SP100: variants seen among roughly 807,000 people sequenced by gnomAD.
The protein encoded by SP100 is nuclear autoantigen Sp-100.
Under a neutral mutation model 130.0 loss-of-function variants are expected in SP100, and 84 were observed. That is an observed-to-expected ratio of 0.65 (90% confidence interval 0.54 to 0.77). SP100 has a LOEUF of 0.77. Among genes scored for constraint, SP100 ranks in the 30% least tolerant of loss-of-function variants. The pLI is 0.00. For synonymous variants in SP100, 331 were observed against 351.7 expected (o/e 0.94, Z 0.66); for missense variants, 978 against 1,052.2 (o/e 0.93, Z 0.97).
intron 8 of SP100, among the ~76,000 whole-genome samples, chr2:230,458,593 G>A (rs2064411811): frequency 6.6e-6 from 1 of 152,192 alleles, no homozygotes; most frequent in South Asian, 2.1e-4. Flanking sequence ...TATGTTGCAA[G>A]TTACTTTTCA....
chr2:230,522,016 A>G (rs1369963642), intron 24 of SP100, among the ~76,000 whole-genome samples: 1 of 152,146 alleles, frequency 6.6e-6, no homozygotes, highest in Non-Finnish European at 1.5e-5. Flanking sequence ...CTGTTTTGAT[A>G]TGGACTTTCT....
At chr2:230,516,745 A>T (rs1427676720) in intron 24 of SP100, among the ~76,000 whole-genome samples, 2 of 152,210 alleles carry the variant, frequency 1.3e-5, no homozygotes, top group Non-Finnish European at 2.9e-5. Context: ...AAAATTTTAA[A>T]ACGGTAACTG....
At chr2:230,423,602 T>C (rs1463119217) in intron 2 of SP100, among the ~76,000 whole-genome samples, 1 of 152,228 alleles carries the variant, frequency 6.6e-6, no homozygotes, top group Non-Finnish European at 1.5e-5. Context: ...GTTTAAAACT[T>C]AATTTACTTG....
In SP100 at chr2:230,494,479, AT is replaced by A. The variant is rs781104709; in HGVS notation, c.1645+22del. The A allele has an allele frequency of 2.5e-6, 4 of 1,589,468 alleles. No homozygotes were observed. The African/African-American group carries it at 5.4e-5, about 21-fold the overall frequency. ...CAAAGAGGTAAGAAGAAATGTGGGGATTTACTCCTTTGAACTCGCTGTGGTC... is the reference window on the plus strand; with the variant it reads ...CAAAGAGGTAAGAAGAAATGTGGGGATTACTCCTTTGAACTCGCTGTGGTC... On this transcript the variant is annotated intron_variant, in intron 18 of 28. Transcript: ENST00000340126.
intron 24 of SP100, among the ~76,000 whole-genome samples, chr2:230,532,579 C>A (rs1333065219): frequency 6.6e-6 from 1 of 151,486 alleles, no homozygotes; most frequent in African/African-American, 2.4e-5. Flanking sequence ...TGATCCCAAG[C>A]CTTCTATCAC....
intron 2 of SP100, among the ~76,000 whole-genome samples, chr2:230,441,435 T>A (rs2063464250): frequency 6.6e-6 from 1 of 152,144 alleles, no homozygotes; most frequent in East Asian, 1.9e-4. Context: ...ACAAAAAGAC[T>A]TGTACAAGAG....
At chr2:230,499,119 T>C (rs2066863673) in intron 19 of SP100, among the ~76,000 whole-genome samples, 1 of 152,086 alleles carries the variant, frequency 6.6e-6, no homozygotes, top group African/African-American at 2.4e-5. Context: ...TCTTCCCCAG[T>C]GTCACTGGCT....
chr2:230,449,033 A>G, intron 5 of SP100, 55 bp from the exon 6 acceptor site: 1 of 1,155,480 alleles, frequency 8.7e-7, no homozygotes, highest in Non-Finnish European at 1.3e-6. Context: ...TTAGGGGAGA[A>G]TGGCAAAATC....
chr2:230,455,702 T>G (rs1682705692), intron 8 of SP100, among the ~76,000 whole-genome samples: 1 of 152,212 alleles, frequency 6.6e-6, no homozygotes, highest in Non-Finnish European at 1.5e-5. Context: ...TATTCCTTTC[T>G]TTCTCTCTTA....
In SP100 at chr2:230,544,863, T is replaced by C. The variant is rs1285543796; in HGVS notation, c.*1917T>C. ...TCAATATCACTGATCGTTAGAGACA[T>C]GCAAATTAAAACTACAATGAGACAC... is the stretch of plus-strand genomic sequence containing the variant. On this transcript the variant is annotated 3_prime_UTR_variant, in exon 29 of 29. Transcript: ENST00000340126. Among the ~76,000 whole-genome samples the C allele has an allele frequency of 2.6e-5, 4 of 152,164 alleles. No homozygotes were observed. The highest frequency in any genetic ancestry group is 5.9e-5 in the Non-Finnish European group (4 of 68,024).
chr2:230,444,196 A>G lies in SP100; in HGVS notation c.289A>G (p.Arg97Gly). ...KMFEDSQDSC[R>G]NLVPVQRVVY... ...TTTTAAGGATTCTCAAGATTCTTGT[A>G]GAAACCTGGTCCCTGTACAGAGAGT... The change falls in exon 4 of 29, where the codon AGA becomes GGA. Residue 97 changes from arginine to glycine, a missense_variant. Arg to Gly is a moderately radical substitution (Grantham distance 125, BLOSUM62 -2). Coordinates refer to ENST00000340126, the MANE Select transcript of SP100 (RefSeq NM_001080391.2). The G allele has an allele frequency of 2.5e-6, 4 of 1,577,636 alleles. No individual in the cohort carries two copies. The highest frequency in any genetic ancestry group is 2.6e-6 in the Non-Finnish European group (3 of 1,167,340).
At chr2:230,455,941 T>G (rs994455932) in intron 8 of SP100, among the ~76,000 whole-genome samples, 1 of 152,222 alleles carries the variant, frequency 6.6e-6, no homozygotes, top group Admixed American at 6.5e-5. Flanking sequence ...GTTTACAAGT[T>G]TTATATAGTG....
intron 2 of SP100, among the ~76,000 whole-genome samples, chr2:230,439,584 G>GT (rs535945396): frequency 1.1e-4 from 17 of 151,548 alleles, no homozygotes; most frequent in African/African-American, 3.4e-4. Flanking sequence ...GTTTTGCTTT[G>GT]TTTTTTTGGT....
chr2:230,482,246 T>A, intron 17 of SP100, among the ~76,000 whole-genome samples: 1 of 152,248 alleles, frequency 6.6e-6, no homozygotes, highest in East Asian at 1.9e-4. Flanking sequence ...TTTCTTACTT[T>A]ATTGAACATC....
At position 230,515,124 on chromosome 2, in the gene SP100, T is replaced by C. The variant is rs544609282; in HGVS notation, c.2094+3958T>C. 7.4e-6 allele frequency: 12 copies of C among 1,612,706 alleles called. No individual in the cohort carries two copies. The African/African-American group carries it at 1.3e-4, about 18-fold the overall frequency. ...AGCATAAGAAGAAGAACCCAGATGC[T>C]TCAGTCAAGTTCTCAGAGTTTTTAA... On this transcript the variant is annotated intron_variant, in intron 24 of 28. Coordinates refer to ENST00000340126, the MANE Select transcript of SP100 (RefSeq NM_001080391.2).
chr2:230,426,954 G>C (rs2062949964), intron 2 of SP100, among the ~76,000 whole-genome samples: 1 of 146,618 alleles, frequency 6.8e-6, no homozygotes, highest in Non-Finnish European at 1.5e-5. Flanking sequence ...AATATTTACA[G>C]TTGTTGTATC....
chr2:230,444,352 T>C lies in SP100; in HGVS notation c.439+6T>C, dbSNP rs557549485. 3.2e-5 allele frequency: 52 copies of C among 1,607,256 alleles called. No individual in the cohort carries two copies. The South Asian group carries it at 5.1e-4, about 16-fold the overall frequency. On this transcript the variant is annotated splice_donor_region_variant and intron_variant, in intron 4 of 28. Coordinates refer to ENST00000340126, the MANE Select transcript of SP100 (RefSeq NM_001080391.2). ...TTATAAAGGCTTTGAAAATGGTAAT[T>C]AGATTTATTATCTACCTTTTTATTT...
intron 17 of SP100, among the ~76,000 whole-genome samples, chr2:230,493,225 T>C (rs913898000): frequency 2.3e-4 from 35 of 152,354 alleles, no homozygotes; most frequent in African/African-American, 8.2e-4. Flanking sequence ...TTATTTTATG[T>C]TATTTTATTT....
chr2:230,516,382 C>T (rs1444173710), intron 24 of SP100: 1 of 152,376 alleles, frequency 6.6e-6, no homozygotes, highest in East Asian at 1.9e-4. Flanking sequence ...TGGTTTTGCT[C>T]ACAAAAGTCT....
Sources: gnomAD v4.1 joint callset for allele counts (sites outside exome capture counted in the v4.1 genomes callset) on GRCh38, gnomAD v4.1.1 for gene constraint, MANE v1.5 for transcripts, NCBI Gene and HGNC (gene_info 2026-07-23, HGNC 2026-07-21) for gene names.